KCNH7: variants seen among roughly 807,000 people sequenced by gnomAD.
KCNH7 encodes potassium voltage-gated channel subfamily H member 7.
A neutral mutation model predicts 120.8 loss-of-function variants in KCNH7; 49 were observed. That is an observed-to-expected ratio of 0.41 (90% CI 0.32 to 0.51). KCNH7 has a LOEUF of 0.51. Ranked by LOEUF, KCNH7 falls within the 20% of genes least tolerant of loss-of-function variation. The pLI, the probability that KCNH7 is intolerant of heterozygous loss-of-function variation, is 0.38. For synonymous variants in KCNH7, 547 were observed against 516.1 expected (o/e 1.06, Z -0.81); for missense variants, 1,097 against 1,446.6 (o/e 0.76, Z 3.92).
intron 2 of KCNH7, among the ~76,000 whole-genome samples, chr2:162,547,269 C>T (rs887264239): frequency 2.0e-5 from 3 of 152,112 alleles, no homozygotes; most frequent in Non-Finnish European, 2.9e-5. Flanking sequence ...TCTGGGATTA[C>T]AATTCAAAGC....
rs577554680 is a variant in KCNH7, at chr2:162,491,399, G to C, written c.1128+13044C>G. Among the ~76,000 whole-genome samples the C allele has an allele frequency of 2.6e-4, 39 of 152,242 alleles. No individual in the cohort carries two copies. The South Asian group carries it at 8.1e-3, about 32-fold the overall frequency. ...TTTGAGAGGCATTTTACTAGGCCAG[G>C]ACCCCAATTCACGGGACTCCCTTTC... On this transcript the variant is annotated intron_variant, in intron 6 of 15. Coordinates refer to ENST00000332142, the MANE Select transcript of KCNH7 (RefSeq NM_033272.4).
At chr2:162,398,793 C>A (rs1358470311) in intron 10 of KCNH7, among the ~76,000 whole-genome samples, 2 of 151,850 alleles carry the variant, frequency 1.3e-5, no homozygotes, top group East Asian at 1.9e-4. Context: ...CATAGCAGGG[C>A]AAACTGTCTA....
intron 2 of KCNH7, among the ~76,000 whole-genome samples, chr2:162,751,714 T>A (rs71424756): frequency 0.02 from 3,028 of 151,870 alleles, 68 homozygotes; most frequent in East Asian, 0.11. Flanking sequence ...AATATTATAA[T>A]AAATAACAAT....
At chr2:162,735,044 A>T (rs1301004570) in intron 2 of KCNH7, among the ~76,000 whole-genome samples, 1 of 152,326 alleles carries the variant, frequency 6.6e-6, no homozygotes, top group East Asian at 1.9e-4. Flanking sequence ...GACAAGGCTT[A>T]CAGTAAGTTT....
chr2:162,762,916 C>G (rs889754079), intron 2 of KCNH7, among the ~76,000 whole-genome samples: 1 of 151,946 alleles, frequency 6.6e-6, no homozygotes, highest in Non-Finnish European at 1.5e-5. Context: ...AATTAAGGAA[C>G]AATTATTTAA....
At chr2:162,447,318 G>C (rs1688613897) in intron 6 of KCNH7, among the ~76,000 whole-genome samples, 1 of 152,038 alleles carries the variant, frequency 6.6e-6, no homozygotes. Flanking sequence ...AAGTAGAAAA[G>C]TCCATGATTT....
intron 2 of KCNH7, among the ~76,000 whole-genome samples, chr2:162,556,956 A>G (rs951734488): frequency 1.3e-5 from 2 of 152,232 alleles, no homozygotes; most frequent in Non-Finnish European, 2.9e-5. Flanking sequence ...TACATTTGGA[A>G]AAGTCTTGCA....
Position 162,724,174 on chromosome 2 carries a change from G to A in KCNH7, c.307+112363C>T, listed in dbSNP as rs555922274. Among the ~76,000 whole-genome samples, 20 of 152,052 alleles carry A rather than the reference G, an allele frequency of 1.3e-4. No homozygotes were observed. The East Asian group carries it at 2.9e-3, about 22-fold the overall frequency. The stretch of plus-strand genomic sequence containing the variant: ...TGTGTATGTGTGTGTTTGTGTGTGC[G>A]CACCTCATAGTCTTAACAATGAATA... On this transcript the variant is annotated intron_variant, in intron 2 of 15. Coordinates refer to ENST00000332142, the MANE Select transcript of KCNH7 (RefSeq NM_033272.4).
chr2:162,524,551 A>G (rs1033821889), intron 3 of KCNH7, among the ~76,000 whole-genome samples: 3 of 152,010 alleles, frequency 2.0e-5, no homozygotes, highest in African/African-American at 7.2e-5. Flanking sequence ...ACAATCAGCT[A>G]TTATCACACA....
rs189674148 is a variant in KCNH7, at chr2:162,511,372, A to T, written c.913+1282T>A. ...TAAATCCTAAAGCTAGTTGGCAAGAACTATCTGTATCCTGCTTCTTGAGGT... is the reference window on the plus strand; with the variant it reads ...TAAATCCTAAAGCTAGTTGGCAAGATCTATCTGTATCCTGCTTCTTGAGGT... On this transcript the variant is annotated intron_variant, in intron 5 of 15. Transcript: ENST00000332142. Among the ~76,000 whole-genome samples, 19 of 151,718 alleles carry T rather than the reference A, an allele frequency of 1.3e-4. No individual in the cohort carries two copies. The South Asian group carries it at 1.9e-3, about 15-fold the overall frequency.
chr2:162,506,052 A>T (rs1690870407), intron 5 of KCNH7, among the ~76,000 whole-genome samples: 1 of 151,820 alleles, frequency 6.6e-6, no homozygotes, highest in Non-Finnish European at 1.5e-5. Context: ...ATCTTAATAA[A>T]TTTTCATGTA....
Position 162,555,878 on chromosome 2 carries a change from G to A in KCNH7, c.308-18798C>T, listed in dbSNP as rs78159838. Among the ~76,000 whole-genome samples, 738 of 151,824 alleles carry A rather than the reference G, an allele frequency of 4.9e-3. 6 individuals are homozygous for A. Among genetic ancestry groups the A allele is most frequent in the African/African-American group, 0.016 (646 of 41,470 alleles). ...ATATTTTAACAGGATCATTTTTCCTGTTTTTCTGCTTATTTTGTAAATAAA... is the reference window on the plus strand; with the variant it reads ...ATATTTTAACAGGATCATTTTTCCTATTTTTCTGCTTATTTTGTAAATAAA... On this transcript the variant is annotated intron_variant, in intron 2 of 15. Coordinates refer to ENST00000332142, the MANE Select transcript of KCNH7 (RefSeq NM_033272.4).
At chr2:162,817,471 T>C (rs1029803653) in intron 2 of KCNH7, among the ~76,000 whole-genome samples, 2 of 152,160 alleles carry the variant, frequency 1.3e-5, no homozygotes, top group Admixed American at 6.5e-5. Flanking sequence ...CTGCTGATGA[T>C]AGACTTTTAG....
intron 6 of KCNH7, among the ~76,000 whole-genome samples, chr2:162,476,845 C>T (rs1229823300): frequency 2.0e-5 from 3 of 152,282 alleles, no homozygotes; most frequent in South Asian, 4.1e-4. Flanking sequence ...AGTGGAAACA[C>T]AGCTTCTCAG....
chr2:162,684,125 T>C (rs921958456), intron 2 of KCNH7, among the ~76,000 whole-genome samples: 3 of 151,864 alleles, frequency 2.0e-5, no homozygotes, highest in Non-Finnish European at 4.4e-5. Context: ...ATAAATGGTG[T>C]TGAGAAAACT....
chr2:162,419,161 A>T (rs781696769), intron 9 of KCNH7, among the ~76,000 whole-genome samples: 28 of 151,636 alleles, frequency 1.8e-4, no homozygotes, highest in Non-Finnish European at 3.5e-4. Context: ...TCTTTAAGAA[A>T]AACTTACCTA....
intron 2 of KCNH7, among the ~76,000 whole-genome samples, chr2:162,764,669 A>T (rs1023629026): frequency 1.3e-5 from 2 of 152,206 alleles, no homozygotes; most frequent in Non-Finnish European, 2.9e-5. Flanking sequence ...GTAAGCTTAG[A>T]TACAGATGCC....
In KCNH7 at chr2:162,566,715, C is replaced by T. The variant is rs146011029; in HGVS notation, c.308-29635G>A. The stretch of plus-strand genomic sequence containing the variant: ...AGACAGAGTAATTGCCATTGTAGGG[C>T]TTCCATTCTGACATTCTGATTAGCA... On this transcript the variant is annotated intron_variant, in intron 2 of 15. Transcript: ENST00000332142. 2.4e-4 allele frequency among the ~76,000 whole-genome samples: 37 copies of T among 152,120 alleles called. No homozygotes were observed. The East Asian group carries it at 6.0e-3, about 25-fold the overall frequency.
At chr2:162,569,759 CT>C (rs1466173390) in intron 2 of KCNH7, among the ~76,000 whole-genome samples, 2 of 150,994 alleles carry the variant, frequency 1.3e-5, no homozygotes, top group African/African-American at 4.9e-5. Context: ...CAAAGAACAT[CT>C]TTATTTCTGC....
Sources: allele counts gnomAD v4.1 joint callset (sites outside exome capture counted in the v4.1 genomes callset), GRCh38; gene constraint gnomAD v4.1.1; transcripts MANE v1.5; gene names NCBI Gene and HGNC (gene_info 2026-07-23, HGNC 2026-07-21).